Variants in NOL4 observed in about 807,000 individuals in gnomAD.
The protein encoded by NOL4 is nucleolar protein 4.
Under a neutral mutation model 75.9 loss-of-function variants are expected in NOL4, and 17 were observed. The observed-to-expected ratio is 0.22, with a 90% CI of 0.15 to 0.34. The LOEUF is 0.34. NOL4 is among the 10% of genes least tolerant of loss of function. The pLI is 1.00. For synonymous variants in NOL4, 292 were observed against 289.9 expected, an observed-to-expected ratio of 1.01 and a Z score of -0.07; for missense variants, 614 against 793.5, an observed-to-expected ratio of 0.77 and a Z score of 2.72.
At chr18:34,136,851 A>C (rs773874682) in intron 1 of NOL4, among the ~76,000 whole-genome samples, 1 of 152,146 alleles carries the variant, frequency 6.6e-6, no homozygotes, top group Non-Finnish European at 1.5e-5. Flanking sequence ...AAACGAGATT[A>C]GCCAAAATAG....
chr18:33,934,868 T>G (rs532737806), intron 9 of NOL4, among the ~76,000 whole-genome samples: 7 of 150,666 alleles, frequency 4.6e-5, no homozygotes, highest in African/African-American at 9.8e-5. Context: ...GCACGTTTTT[T>G]TTTTTTTTTT....
intron 5 of NOL4, among the ~76,000 whole-genome samples, chr18:34,025,292 G>C (rs2075286691): frequency 6.6e-6 from 1 of 152,068 alleles, no homozygotes; most frequent in African/African-American, 2.4e-5. Flanking sequence ...AACCTTATCT[G>C]GGGGAAAAGG....
chr18:34,152,652 A>T (rs1445128015), intron 1 of NOL4, among the ~76,000 whole-genome samples: 1 of 151,812 alleles, frequency 6.6e-6, no homozygotes, highest in Non-Finnish European at 1.5e-5. Context: ...CCGACAGCAA[A>T]CCTCTCAATA....
chr18:33,891,628 C>T (rs1439394035), intron 9 of NOL4, among the ~76,000 whole-genome samples: 1 of 152,110 alleles, frequency 6.6e-6, no homozygotes, highest in Non-Finnish European at 1.5e-5. Context: ...AAGTCTACTT[C>T]TTCGTATTTG....
At chr18:34,030,116 T>C (rs1409202702) in intron 5 of NOL4, among the ~76,000 whole-genome samples, 2 of 152,186 alleles carry the variant, frequency 1.3e-5, no homozygotes, top group Admixed American at 6.5e-5. Context: ...AAAGTAATGA[T>C]CTAAATAAAA....
chr18:34,177,020 A>C (rs1234125142), intron 1 of NOL4, among the ~76,000 whole-genome samples: 1 of 152,062 alleles, frequency 6.6e-6, no homozygotes, highest in African/African-American at 2.4e-5. Context: ...AGTTATTTAA[A>C]ATAGCCCCAA....
chr18:34,123,351 C>T (rs1029233494), intron 2 of NOL4, among the ~76,000 whole-genome samples: 2 of 151,090 alleles, frequency 1.3e-5, no homozygotes, highest in African/African-American at 4.8e-5. Context: ...ACACATCTGA[C>T]AATAATCTGA....
intron 6 of NOL4, among the ~76,000 whole-genome samples, chr18:34,008,951 C>A (rs2074214713): frequency 6.6e-6 from 1 of 151,950 alleles, no homozygotes; most frequent in Admixed American, 6.6e-5. Context: ...AAACATTTGA[C>A]AGGAAGCAAG....
intron 10 of NOL4, among the ~76,000 whole-genome samples, chr18:33,868,399 T>C (rs546546436): frequency 6.6e-6 from 1 of 152,106 alleles, no homozygotes; most frequent in African/African-American, 2.4e-5. Context: ...TGGTCATATG[T>C]TGGGCATCTT....
chr18:33,968,210 G>A (rs2070761173), intron 6 of NOL4, among the ~76,000 whole-genome samples: 1 of 152,218 alleles, frequency 6.6e-6, no homozygotes, highest in Admixed American at 6.5e-5. Context: ...AGCCACTGTG[G>A]AAAGCAGTTT....
At chr18:34,130,404 T>C (rs1331611479) in intron 1 of NOL4, among the ~76,000 whole-genome samples, 3 of 152,056 alleles carry the variant, frequency 2.0e-5, no homozygotes, top group African/African-American at 7.2e-5. Flanking sequence ...ATCCAAACAA[T>C]ATTGAGTTGC....
intron 1 of NOL4, among the ~76,000 whole-genome samples, chr18:34,151,155 T>C (rs1248782532): frequency 6.6e-6 from 1 of 151,886 alleles, no homozygotes; most frequent in Non-Finnish European, 1.5e-5. Context: ...AGTTTGGCAC[T>C]TTCTGATAAA....
At chr18:34,037,390 T>C (rs1055154645) in intron 5 of NOL4, among the ~76,000 whole-genome samples, 1 of 139,084 alleles carries the variant, frequency 7.2e-6, no homozygotes, top group Non-Finnish European at 1.6e-5. Flanking sequence ...AATAACAATG[T>C]CATTTTTCAC....
chr18:33,854,124 CTT>C (rs2062737361), intron 10 of NOL4, among the ~76,000 whole-genome samples: 1 of 152,112 alleles, frequency 6.6e-6, no homozygotes, highest in Non-Finnish European at 1.5e-5. Context: ...TTTTAACAGA[CTT>C]TTCCTAAACA....
chr18:33,881,977 G>T (rs970682602), intron 10 of NOL4, among the ~76,000 whole-genome samples: 1 of 152,158 alleles, frequency 6.6e-6, no homozygotes, highest in Non-Finnish European at 1.5e-5. Flanking sequence ...TTTAATAAAT[G>T]TTGCTGGGAA....
At chr18:34,001,206 C>T (rs781643088) in intron 6 of NOL4, among the ~76,000 whole-genome samples, 3 of 152,062 alleles carry the variant, frequency 2.0e-5, no homozygotes, top group African/African-American at 7.2e-5. Context: ...GGGTACAATT[C>T]AATACAACTT....
At chr18:33,997,313 C>A (rs543409559) in intron 6 of NOL4, among the ~76,000 whole-genome samples, 1 of 151,990 alleles carries the variant, frequency 6.6e-6, no homozygotes, top group Admixed American at 6.6e-5. Flanking sequence ...ATTATCCCAG[C>A]AGCATTTGTT....
chr18:34,131,585 C>CCTCA (rs1351660932), intron 1 of NOL4, among the ~76,000 whole-genome samples: 1 of 152,028 alleles, frequency 6.6e-6, no homozygotes, highest in Non-Finnish European at 1.5e-5. Context: ...AGCAAAGGAA[C>CCTCA]TGAGAGGGTT....
At chr18:33,909,005 A>C (rs982449501) in intron 9 of NOL4, among the ~76,000 whole-genome samples, 1 of 152,160 alleles carries the variant, frequency 6.6e-6, no homozygotes, top group Non-Finnish European at 1.5e-5. Context: ...CACTGTTGGC[A>C]TATTTCTTCA....
Sources: gnomAD v4.1 joint callset for allele counts (sites outside exome capture counted in the v4.1 genomes callset) on GRCh38, gnomAD v4.1.1 for gene constraint, MANE v1.5 for transcripts, NCBI Gene and HGNC (gene_info 2026-07-23, HGNC 2026-07-21) for gene names.